Variants in TENM3 observed in about 807,000 individuals in gnomAD.
TENM3 encodes teneurin-3.
Under a neutral mutation model 255.1 loss-of-function variants are expected in TENM3, and 63 were observed. The observed-to-expected ratio is 0.25, with a 90% confidence interval of 0.20 to 0.30. The LOEUF (loss-of-function observed/expected upper bound fraction) is 0.30. Among genes scored for constraint, TENM3 ranks in the 10% least tolerant of loss-of-function variants. The pLI is 1.00. For missense variants in TENM3, 2,929 were observed against 3,461.1 expected (o/e 0.85, Z 3.86); for synonymous variants, 1,306 against 1,322.3 (o/e 0.99, Z 0.27).
chr4:182,160,206 G>C (rs990822136), intron 1 of TENM3, among the ~76,000 whole-genome samples: 10 of 151,554 alleles, frequency 6.6e-5, no homozygotes, highest in African/African-American at 2.4e-4. Flanking sequence ...GTTTCACCGT[G>C]TTAGCCAGGA....
intron 3 of TENM3, among the ~76,000 whole-genome samples, chr4:182,396,601 A>G (rs1768831526): frequency 6.6e-6 from 1 of 152,214 alleles, no homozygotes; most frequent in Non-Finnish European, 1.5e-5. Flanking sequence ...ATTTTTAAAT[A>G]AAAGAGATTT....
chr4:182,791,646 G>A (rs940207671), intron 25 of TENM3, among the ~76,000 whole-genome samples: 13 of 152,166 alleles, frequency 8.5e-5, no homozygotes, highest in African/African-American at 3.1e-4. Flanking sequence ...TTGCCTGTAT[G>A]TGTATATATA....
At chr4:182,576,279 G>A (rs900784160) in intron 3 of TENM3, among the ~76,000 whole-genome samples, 4 of 152,112 alleles carry the variant, frequency 2.6e-5, no homozygotes, top group African/African-American at 7.2e-5. Flanking sequence ...GGATAAAAAC[G>A]AAAACAATTT....
chr4:182,461,662 T>C (rs1732005143), intron 3 of TENM3, among the ~76,000 whole-genome samples: 2 of 152,186 alleles, frequency 1.3e-5, no homozygotes. Flanking sequence ...CTACTATTAC[T>C]TTCAATTCAT....
intron 3 of TENM3, among the ~76,000 whole-genome samples, chr4:182,559,396 T>G (rs2151964024): frequency 6.6e-6 from 1 of 152,234 alleles, no homozygotes; most frequent in Non-Finnish European, 1.5e-5. Context: ...CTTTGGTCCT[T>G]ACTCAGATCA....
At chr4:182,076,415 G>A in the TENM3 span, among the ~76,000 whole-genome samples, 1 of 151,924 alleles carries the variant, frequency 6.6e-6, no homozygotes. Context: ...TGTTGGCCAG[G>A]ACGGTCTCGA....
the TENM3 span, among the ~76,000 whole-genome samples, chr4:181,806,186 C>A: frequency 1.3e-5 from 2 of 152,164 alleles, no homozygotes; most frequent in African/African-American, 4.8e-5. Flanking sequence ...TTTCCCTTTT[C>A]AGTTCAGCTT....
At chr4:182,073,125 T>C in the TENM3 span, among the ~76,000 whole-genome samples, 51,477 of 152,090 alleles carry the variant, frequency 0.34, 9,058 homozygotes, top group African/African-American at 0.42. Flanking sequence ...GAGAGGCCTC[T>C]GGAAACTTAC....
At chr4:182,725,594 A>G (rs1760096330) in intron 13 of TENM3, among the ~76,000 whole-genome samples, 2 of 149,560 alleles carry the variant, frequency 1.3e-5, no homozygotes, top group Non-Finnish European at 3.0e-5. Context: ...TTTATATGAA[A>G]TTTCCAAACT....
the TENM3 span, among the ~76,000 whole-genome samples, chr4:181,985,359 A>G: frequency 6.6e-6 from 1 of 152,014 alleles, no homozygotes; most frequent in Non-Finnish European, 1.5e-5. Context: ...CTCAGGACAC[A>G]TATTTTTTAT....
chr4:182,254,976 T>C (rs1758290026), intron 1 of TENM3, among the ~76,000 whole-genome samples: 1 of 152,196 alleles, frequency 6.6e-6, no homozygotes, highest in African/African-American at 2.4e-5. Flanking sequence ...TTTAAATATG[T>C]CTGGGGAAAT....
At position 182,598,206 on chromosome 4, in the gene TENM3, T is replaced by A. The variant is rs532149037; in HGVS notation, c.512-2718T>A. 1.3e-4 allele frequency among the ~76,000 whole-genome samples: 20 copies of A among 152,316 alleles called. 1 individual carries two copies. Among genetic ancestry groups the A allele is most frequent in the African/African-American group, 4.8e-4 (20 of 41,578 alleles). Reference sequence around the variant, plus strand: ...AAAAAACAATTAAAAAAATTTTTTTTAAATTTCCGGCCATCCACCCTATAT... The same window carrying A: ...AAAAAACAATTAAAAAAATTTTTTTAAAATTTCCGGCCATCCACCCTATAT... On this transcript the variant is annotated intron_variant, in intron 3 of 27. Coordinates refer to ENST00000511685, the MANE Select transcript of TENM3 (RefSeq NM_001080477.4).
chr4:181,591,813 C>T, the TENM3 span, among the ~76,000 whole-genome samples: 1 of 152,180 alleles, frequency 6.6e-6, no homozygotes, highest in Admixed American at 6.5e-5. Context: ...GAAAAATTGT[C>T]TGCCACGAAA....
At chr4:182,074,674 G>A in the TENM3 span, among the ~76,000 whole-genome samples, 1 of 152,148 alleles carries the variant, frequency 6.6e-6, no homozygotes, top group South Asian at 2.1e-4. Flanking sequence ...CAGAATGTTT[G>A]GTTTGCAGGT....
At chr4:182,794,359 C>T (rs929478512) in intron 26 of TENM3, among the ~76,000 whole-genome samples, 4 of 152,128 alleles carry the variant, frequency 2.6e-5, no homozygotes, top group East Asian at 1.9e-4. Context: ...AACTACCTTA[C>T]GAATGTGTCA....
At chr4:181,725,224 T>G in the TENM3 span, among the ~76,000 whole-genome samples, 1 of 152,174 alleles carries the variant, frequency 6.6e-6, no homozygotes, top group Non-Finnish European at 1.5e-5. Context: ...TATTCTCTCT[T>G]TTCTCACTCT....
intron 7 of TENM3, among the ~76,000 whole-genome samples, chr4:182,677,470 T>G (rs191942249): frequency 2.3e-3 from 355 of 152,282 alleles, no homozygotes; most frequent in Non-Finnish European, 3.1e-3. Context: ...AAAAGAAACT[T>G]TTTCTTGTCT....
chr4:182,680,601 T>C lies in TENM3; in HGVS notation c.1698T>C (p.Cys566=), dbSNP rs769967851. The C allele has an allele frequency of 1.9e-6, 3 of 1,613,828 alleles. No individual in the cohort carries two copies. ...AGTACTCCAAGGGCCGCTGCCTGTG[T>C]TTCAGCGGCTGGAAGGGCACCGAGT... The part of the protein sequence containing the change: ...NGQYSKGRCL[C]FSGWKGTECD... The change falls in exon 10 of 28, where the codon TGT becomes TGC. Residue 566 remains cysteine, a synonymous_variant. Transcript: ENST00000511685.
At chr4:182,707,551 C>CT (rs1451273113) in intron 12 of TENM3, among the ~76,000 whole-genome samples, 1 of 152,096 alleles carries the variant, frequency 6.6e-6, no homozygotes, top group Non-Finnish European at 1.5e-5. Context: ...AAAGAAGCAC[C>CT]TAGAGGGGAG....
Sources: gnomAD v4.1 joint callset for allele counts (sites outside exome capture counted in the v4.1 genomes callset) on GRCh38, gnomAD v4.1.1 for gene constraint, MANE v1.5 for transcripts, NCBI Gene and HGNC (gene_info 2026-07-23, HGNC 2026-07-21) for gene names.